The following GIGYF1 variants were observed in gnomAD, a reference collection of about 807,000 sequenced individuals.
GIGYF1 encodes the protein GRB10-interacting GYF protein 1.
Under a neutral mutation model 147.1 loss-of-function variants are expected in GIGYF1, and 84 were observed. That is an observed-to-expected ratio of 0.57 (90% CI 0.48 to 0.68). The LOEUF (loss-of-function observed/expected upper bound fraction) is 0.68. GIGYF1 is among the 30% of genes least tolerant of loss of function. The pLI, the probability that GIGYF1 is intolerant of heterozygous loss-of-function variation, is 0.00. For missense variants in GIGYF1, 1,485 were observed against 1,393.7 expected (o/e 1.07, Z -1.04); for synonymous variants, 752 against 589.5 (o/e 1.28, Z -3.99).
In GIGYF1 at chr7:100,686,785, T is replaced by C; in HGVS notation, c.558A>G (p.Pro186=). The change falls in exon 10 of 27, where the codon CCA becomes CCG. Residue 186 remains proline, a synonymous_variant. Coordinates refer to ENST00000678049, the MANE Select transcript of GIGYF1 (RefSeq NM_001375765.1). ...RCGFEEGGAG[P]RKEHARSDSE... ...TGTCTGAGCGGGCGTGCTCCTTCCT[T>C]GGGCCAGCCCCTCCCTCCTCAAAGC... 2.5e-6 allele frequency: 4 copies of C among 1,613,920 alleles called. No individual in the cohort carries two copies. The highest frequency in any genetic ancestry group is 2.5e-6 in the Non-Finnish European group (3 of 1,179,986).
chr7:100,687,098 C>T (rs1455902846), intron 8 of GIGYF1, 52 bp from the exon 9 acceptor site: 1 of 1,609,130 alleles, frequency 6.2e-7, no homozygotes, highest in East Asian at 2.2e-5. Context: ...CCCCTGCCAC[C>T]CTGTGCAACC....
At chr7:100,692,964 C>T (rs1162876982) in intron 1 of GIGYF1, among the ~76,000 whole-genome samples, 1 of 152,250 alleles carries the variant, frequency 6.6e-6, no homozygotes, top group Non-Finnish European at 1.5e-5. Context: ...AGGAGAGACC[C>T]TTACTGGTAC....
rs1486842869 is a variant in GIGYF1, at chr7:100,683,171, G to A, written c.2253C>T (p.Pro751=). 1.9e-6 allele frequency: 3 copies of A among 1,604,682 alleles called. No homozygotes were observed. Among genetic ancestry groups the A allele is most frequent in the Middle Eastern group, 1.7e-4 (1 of 6,008 alleles). The part of the protein sequence containing the change: ...LLQQQQAVPV[P]PAPSSPPPLW... ...GTGGGGGCGGGGAGCTGGGTGCGGGGGGCACAGGGACCGCCTGCTGCTGCT... is the reference window on the plus strand; with the variant it reads ...GTGGGGGCGGGGAGCTGGGTGCGGGAGGCACAGGGACCGCCTGCTGCTGCT... Residue 751 remains proline (P), a synonymous_variant, in exon 22 of 27, where the codon CCC becomes CCT. Coordinates refer to ENST00000678049, the MANE Select transcript of GIGYF1 (RefSeq NM_001375765.1).
Position 100,688,667 on chromosome 7 carries a change from T to C in GIGYF1, c.-210A>G. ...ACGAGGGTACCCAAGCCACTGGGAA[T>C]TGGTCTGACCTCAGTAGAGCCTGGG... On this transcript the variant is annotated 5_prime_UTR_variant, in exon 2 of 27. Coordinates refer to ENST00000678049, the MANE Select transcript of GIGYF1 (RefSeq NM_001375765.1). The C allele has an allele frequency of 2.5e-6, 1 of 401,776 alleles. No homozygotes were observed. The highest frequency in any genetic ancestry group is 1.9e-5 in the South Asian group (1 of 53,580). The allele number at this position is 401,776 out of a possible 1,614,324, so 24.9% of individuals were successfully genotyped here.
intron 1 of GIGYF1, 107 bp downstream of exon 1, chr7:100,694,003 G>C (rs1288730219): frequency 6.8e-6 from 1 of 147,238 alleles, no homozygotes; most frequent in Non-Finnish European, 1.5e-5. Flanking sequence ...CGCTGGCTCC[G>C]GCGCTTCTCT....
At chr7:100,690,178 G>GT (rs1478761344) in intron 1 of GIGYF1, among the ~76,000 whole-genome samples, 6 of 152,166 alleles carry the variant, frequency 3.9e-5, no homozygotes, top group Non-Finnish European at 5.9e-5. Context: ...GGAACAAAAG[G>GT]TATCTGGAGA....
At chr7:100,683,976 C>CG (rs1562873584) in intron 18 of GIGYF1, 44 bp downstream of exon 18, 15 of 970,140 alleles carry the variant, frequency 1.5e-5, no homozygotes, top group Non-Finnish European at 2.3e-5. Context: ...CTGCCCCCAT[C>CG]CCCCCCCCAC....
rs1023154048 is a variant in GIGYF1 at position 100,680,937 on chromosome 7, G to A, written c.*782C>T. 4.6e-5 allele frequency: 7 copies of A among 152,330 alleles called. No homozygotes were observed. The highest frequency in any genetic ancestry group is 1.0e-4 in the Non-Finnish European group (7 of 68,052). The allele number at this position is 152,330 out of a possible 1,614,324, so 9.4% of individuals were successfully genotyped here. A position where few individuals can be genotyped will look rare whatever the true frequency, so the allele number is the denominator to read the frequency against. On this transcript the variant is annotated 3_prime_UTR_variant, in exon 27 of 27. Coordinates refer to ENST00000678049, the MANE Select transcript of GIGYF1 (RefSeq NM_001375765.1). Reference sequence around the variant, plus strand: ...GGAGACGCCCCTCACCAGAACCAGAGTCCTGCTGCCCCACCCTGCCAGCCA... The same window carrying A: ...GGAGACGCCCCTCACCAGAACCAGAATCCTGCTGCCCCACCCTGCCAGCCA...
At chr7:100,688,337 G>A in intron 3 of GIGYF1, 30 bp from the exon 4 acceptor site, 2 of 1,053,896 alleles carry the variant, frequency 1.9e-6, no homozygotes, top group South Asian at 1.4e-5. Flanking sequence ...ATGAAGAACA[G>A]CACACGAAGG....
chr7:100,687,873 T>A lies in GIGYF1; in HGVS notation c.176A>T (p.Glu59Val). The A allele has an allele frequency of 6.2e-7, 1 of 1,613,438 alleles. No individual in the cohort carries two copies. The highest frequency in any genetic ancestry group is 8.5e-7 in the Non-Finnish European group (1 of 1,179,990). Residue 59 changes from glutamate to valine, a missense_variant, in exon 6 of 27, where the codon GAG becomes GTG. By Grantham distance (121) the Glu-to-Val change is moderately radical. Coordinates refer to ENST00000678049, the MANE Select transcript of GIGYF1 (RefSeq NM_001375765.1). ...CGCGGCGAACTCCTTGTCCTGCAGC[T>A]CTTCCGGGACCTGGCAGTGGGTTGG... ...LYVKENKVPEELQDKEFAAVL... is the reference protein window; with the variant it reads ...LYVKENKVPEVLQDKEFAAVL...
intron 3 of GIGYF1, 21 bp from the exon 4 acceptor site, chr7:100,688,328 T>G (rs1023755092): frequency 2.7e-6 from 3 of 1,105,490 alleles, no homozygotes; most frequent in Non-Finnish European, 4.0e-6. Context: ...ACAGGGGCCA[T>G]GAAGAACAGC....
rs371448972 is a variant in GIGYF1, at chr7:100,682,632, C to A, written c.2558G>T (p.Arg853Leu). The A allele has an allele frequency of 1.3e-6, 2 of 1,597,868 alleles. No individual in the cohort carries two copies. Among genetic ancestry groups the A allele is most frequent in the South Asian group, 1.1e-5 (1 of 89,606 alleles). The change falls in exon 23 of 27, where the codon CGT (arginine) becomes CTT (leucine). Residue 853 changes from arginine (R) to leucine (L), a missense_variant. Transcript: ENST00000678049. ...CCGGCTGTTCTTCAGGCCGAGGCCA[C>A]GGACCAGGCTCCCGCCGCTCTTGGG... ...DTPKSGGSLV[R>L]GLGLKNSRSS...
intron 6 of GIGYF1, 71 bp downstream of exon 6, chr7:100,687,717 C>A (rs999784389): frequency 6.5e-6 from 10 of 1,541,926 alleles, no homozygotes; most frequent in South Asian, 1.1e-5. Context: ...GCGCTGGCCC[C>A]TCTCCTCCTA....
chr7:100,690,852 C>T (rs1746236856), intron 1 of GIGYF1, among the ~76,000 whole-genome samples: 1 of 151,614 alleles, frequency 6.6e-6, no homozygotes, highest in Admixed American at 6.6e-5. Context: ...GCAAGGGCAG[C>T]TCTCCTAGGT....
intron 13 of GIGYF1, 57 bp downstream of exon 13, chr7:100,685,284 GGGA>G: frequency 7.8e-6 from 12 of 1,542,358 alleles, no homozygotes; most frequent in African/African-American, 1.4e-5. Flanking sequence ...CCCACGAGTG[GGGA>G]GCACTTTCTC....
chr7:100,684,990 G>A (rs1266656341), intron 14 of GIGYF1, 59 bp downstream of exon 14: 2 of 1,558,874 alleles, frequency 1.3e-6, no homozygotes, highest in Non-Finnish European at 1.7e-6. Flanking sequence ...CGGGGCTGGG[G>A]CCAAGCAGGT....
In GIGYF1 at chr7:100,682,409, G is replaced by A; in HGVS notation, c.2674C>T (p.Leu892=). 6.2e-7 allele frequency: 1 copy of A among 1,613,700 alleles called. No homozygotes were observed. The highest frequency in any genetic ancestry group is 1.3e-5 in the African/African-American group (1 of 75,056). The change falls in exon 24 of 27, where the codon CTG becomes TTG. Residue 892 remains leucine, a synonymous_variant. Transcript: ENST00000678049. The stretch of plus-strand genomic sequence containing the variant: ...TCCTGGGGCCTGGGAATGCCCTGCA[G>A]CAGCTTCAGCAGCTTCTCTTCTTCC... ...TEEEEKLLKL[L]QGIPRPQDGF...
chr7:100,687,708 C>A, intron 6 of GIGYF1, 80 bp downstream of exon 6: 1 of 1,505,434 alleles, frequency 6.6e-7, no homozygotes, highest in Non-Finnish European at 9.2e-7. Context: ...GTCTCCTCAG[C>A]GCTGGCCCCT....
At position 100,686,091 on chromosome 7, in the gene GIGYF1, CG is replaced by C; in HGVS notation, c.949-13del. The C allele has an allele frequency of 1.1e-6, 1 of 919,434 alleles. No homozygotes were observed. Among genetic ancestry groups the C allele is most frequent in the Non-Finnish European group, 1.6e-6 (1 of 607,750 alleles). 57.0% of individuals were successfully genotyped at this position (919,434 alleles called of 1,614,324 possible). A position where few individuals can be genotyped will look rare whatever the true frequency, so the allele number is the denominator to read the frequency against. Reference sequence around the variant, plus strand: ...TCCTTGGGGCCCTTCTGCATGGGGCCGGGGTGGGGAGCAGAGAACAGCTGGG... The same window carrying C: ...TCCTTGGGGCCCTTCTGCATGGGGCCGGGTGGGGAGCAGAGAACAGCTGGG... On this transcript the variant is annotated splice_polypyrimidine_tract_variant and intron_variant, in intron 11 of 26. Coordinates refer to ENST00000678049, the MANE Select transcript of GIGYF1 (RefSeq NM_001375765.1).
Sources: allele counts gnomAD v4.1 joint callset (sites outside exome capture counted in the v4.1 genomes callset), GRCh38; gene constraint gnomAD v4.1.1; transcripts MANE v1.5; gene names NCBI Gene and HGNC (gene_info 2026-07-23, HGNC 2026-07-21).